PRRX1: variants seen among roughly 807,000 people sequenced by gnomAD.
PRRX1 encodes paired related homeobox 1.
Under a neutral mutation model 24.0 loss-of-function variants are expected in PRRX1, and 8 were observed. The ratio of observed to expected loss-of-function variants is 0.33; its 90% confidence interval spans 0.20 to 0.60. The LOEUF is 0.60. PRRX1 is among the 20% of genes least tolerant of loss of function. PRRX1 has a pLI of 0.82. For missense variants in PRRX1, 281 were observed against 322.4 expected (o/e 0.87, Z 0.98); for synonymous variants, 160 against 131.7 (o/e 1.22, Z -1.47).
rs970335921 is a variant in PRRX1, at chr1:170,738,902, C to A, written c.*2716C>A. On this transcript the variant is annotated 3_prime_UTR_variant, in exon 4 of 4. Coordinates refer to ENST00000239461, the MANE Select transcript of PRRX1 (RefSeq NM_022716.4). The stretch of plus-strand genomic sequence containing the variant: ...TCATAGAGTAACAAGTGCTGGTCAG[C>A]CAAAGAAACATTCACTGCTGGTGAA... 3.9e-5 allele frequency: 9 copies of A among 229,040 alleles called. No individual in the cohort carries two copies. Among genetic ancestry groups the A allele is most frequent in the African/African-American group, 2.0e-4 (9 of 45,130 alleles). The allele number at this position is 229,040 out of a possible 1,614,324, so 14.2% of individuals were successfully genotyped here.
chr1:170,698,826 G>A (rs2101903015), intron 1 of PRRX1, among the ~76,000 whole-genome samples: 1 of 152,260 alleles, frequency 6.6e-6, no homozygotes, highest in East Asian at 1.9e-4. Context: ...GCTGGAGATA[G>A]GAGAGTCAGT....
In PRRX1 at chr1:170,675,390, C is replaced by T. The variant is rs889093085; in HGVS notation, c.241+10931C>T. 1.9e-4 allele frequency among the ~76,000 whole-genome samples: 29 copies of T among 152,186 alleles called. No homozygotes were observed. The East Asian group carries it at 3.1e-3, about 16-fold the overall frequency. On this transcript the variant is annotated intron_variant, in intron 1 of 3. Transcript: ENST00000239461. ...GTGAGGAAGAGCTCACAAAATTAGT[C>T]GGGGAAAAATTTTGTAGCAAACTAG...
At chr1:170,678,512 T>C (rs1165288290) in intron 1 of PRRX1, among the ~76,000 whole-genome samples, 1 of 152,204 alleles carries the variant, frequency 6.6e-6, no homozygotes, top group African/African-American at 2.4e-5. Context: ...GCTAAGTGAG[T>C]GTTAGGCGAA....
At chr1:170,730,456 A>T (rs1655402173) in intron 3 of PRRX1, 1 of 892,204 alleles carries the variant, frequency 1.1e-6, no homozygotes, top group Non-Finnish European at 1.8e-6. Flanking sequence ...TCAGCAGTGA[A>T]GTCCTCAAGT....
In PRRX1 at chr1:170,739,168, A is replaced by T. The variant is rs1312839959; in HGVS notation, c.*2982A>T. The T allele has an allele frequency of 4.8e-6, 1 of 208,934 alleles. No individual in the cohort carries two copies. Among genetic ancestry groups the T allele is most frequent in the African/African-American group, 2.3e-5 (1 of 44,002 alleles). 12.9% of individuals were successfully genotyped at this position (208,934 alleles called of 1,614,324 possible). A position where few individuals can be genotyped will look rare whatever the true frequency, so the allele number is the denominator to read the frequency against. On this transcript the variant is annotated 3_prime_UTR_variant, in exon 4 of 4. Coordinates refer to ENST00000239461, the MANE Select transcript of PRRX1 (RefSeq NM_022716.4). ...AGATACAGGTGAATACATAGGAACT[A>T]TCTGCCTGTGTCCTCAATCTCCCTT... is the stretch of plus-strand genomic sequence containing the variant.
chr1:170,720,580 G>A (rs995266449), intron 2 of PRRX1, among the ~76,000 whole-genome samples: 7 of 152,144 alleles, frequency 4.6e-5, no homozygotes, highest in Admixed American at 4.6e-4. Context: ...TGATCTCGAA[G>A]TGGTTAAAGA....
At chr1:170,688,951 T>C (rs1338078175) in intron 1 of PRRX1, among the ~76,000 whole-genome samples, 1 of 152,172 alleles carries the variant, frequency 6.6e-6, no homozygotes, top group Non-Finnish European at 1.5e-5. Context: ...TGTGACAATA[T>C]AATTGTTATC....
chr1:170,737,155 T>TTA lies in PRRX1; in HGVS notation c.*979_*980dup, dbSNP rs916052011. 4.9e-5 allele frequency: 8 copies of TTA among 161,910 alleles called. No individual in the cohort carries two copies. Among genetic ancestry groups the TTA allele is most frequent in the South Asian group, 2.0e-4 (1 of 4,904 alleles). 10.0% of individuals were successfully genotyped at this position (161,910 alleles called of 1,614,324 possible). A position where few individuals can be genotyped will look rare whatever the true frequency, so the allele number is the denominator to read the frequency against. ...ATATATACTGTATATATTTATATATTTATATATATATTTCATATATATATA... is the reference window on the plus strand; with the variant it reads ...ATATATACTGTATATATTTATATATTTATATATATATATTTCATATATATATA... On this transcript the variant is annotated 3_prime_UTR_variant, in exon 4 of 4. Coordinates refer to ENST00000239461, the MANE Select transcript of PRRX1 (RefSeq NM_022716.4).
intron 1 of PRRX1, among the ~76,000 whole-genome samples, chr1:170,676,245 G>A (rs138282244): frequency 0.015 from 2,299 of 152,138 alleles, 44 homozygotes; most frequent in African/African-American, 0.052. Context: ...TCTGTTCTTA[G>A]CTTTCCTCAG....
At chr1:170,700,518 A>G (rs879613951) in intron 1 of PRRX1, among the ~76,000 whole-genome samples, 2 of 152,188 alleles carry the variant, frequency 1.3e-5, no homozygotes, top group African/African-American at 2.4e-5. Flanking sequence ...AAACAGACCT[A>G]TACAGGGGAG....
At chr1:170,712,907 T>G (rs1654796019) in intron 1 of PRRX1, among the ~76,000 whole-genome samples, 1 of 152,190 alleles carries the variant, frequency 6.6e-6, no homozygotes, top group African/African-American at 2.4e-5. Flanking sequence ...ATTTTCCCCT[T>G]TTTTGGCATC....
At chr1:170,721,430 A>G (rs1379107726) in intron 2 of PRRX1, among the ~76,000 whole-genome samples, 2 of 152,170 alleles carry the variant, frequency 1.3e-5, no homozygotes, top group African/African-American at 2.4e-5. Flanking sequence ...GCCTGTGTCT[A>G]TGGAGGAGGC....
intron 1 of PRRX1, among the ~76,000 whole-genome samples, chr1:170,673,019 GC>G (rs1653196159): frequency 6.6e-6 from 1 of 152,118 alleles, no homozygotes; most frequent in South Asian, 2.1e-4. Flanking sequence ...CAAGAGGACC[GC>G]TGAGCTCAAT....
At position 170,689,827 on chromosome 1, in the gene PRRX1, T is replaced by C. The variant is rs1338287118; in HGVS notation, c.241+25368T>C. Among the ~76,000 whole-genome samples, 3 of 88,078 alleles carry C rather than the reference T, an allele frequency of 3.4e-5. 1 individual carries two copies. Among genetic ancestry groups the C allele is most frequent in the South Asian group, 6.9e-4 (2 of 2,902 alleles). The allele number at this position is 88,078 out of a possible 152,430, so 57.8% of individuals were successfully genotyped here. The stretch of plus-strand genomic sequence containing the variant: ...ATTTAATATTCCGTCTCTCTCTCTC[T>C]CTCTCTCTCTCCCTCTCTCTCTCTC... On this transcript the variant is annotated intron_variant, in intron 1 of 3. Transcript: ENST00000239461.
intron 1 of PRRX1, among the ~76,000 whole-genome samples, chr1:170,665,581 C>T (rs898706009): frequency 2.0e-5 from 3 of 152,178 alleles, no homozygotes; most frequent in African/African-American, 7.2e-5. Context: ...ATCGTGGAAC[C>T]GGGGGGCCCT....
At chr1:170,680,543 T>C (rs1301855624) in intron 1 of PRRX1, among the ~76,000 whole-genome samples, 3 of 152,218 alleles carry the variant, frequency 2.0e-5, no homozygotes, top group Admixed American at 6.5e-5. Context: ...CACAGTTAGC[T>C]CTTGTTTATT....
intron 1 of PRRX1, among the ~76,000 whole-genome samples, chr1:170,670,940 G>A (rs755954362): frequency 4.6e-5 from 7 of 152,110 alleles, no homozygotes; most frequent in Non-Finnish European, 1.0e-4. Flanking sequence ...ACATTCGTCT[G>A]GTACTGGATG....
intron 1 of PRRX1, among the ~76,000 whole-genome samples, chr1:170,688,148 C>A (rs933850895): frequency 2.0e-5 from 3 of 151,940 alleles, no homozygotes; most frequent in African/African-American, 7.3e-5. Flanking sequence ...TTTTCTATTA[C>A]CCTAAAGATC....
At chr1:170,731,956 A>T (rs186233635) in intron 3 of PRRX1, among the ~76,000 whole-genome samples, 2 of 152,340 alleles carry the variant, frequency 1.3e-5, no homozygotes, top group East Asian at 3.9e-4. Context: ...CTAACTAAAA[A>T]TGGGGCTTTA....
Sources: allele counts gnomAD v4.1 joint callset (sites outside exome capture counted in the v4.1 genomes callset), GRCh38; gene constraint gnomAD v4.1.1; transcripts MANE v1.5; gene names NCBI Gene and HGNC (gene_info 2026-07-23, HGNC 2026-07-21).